NAV2: variants seen among roughly 807,000 people sequenced by gnomAD.
NAV2 encodes helicase, APC down-regulated 1.
Under a neutral mutation model 223.2 loss-of-function variants are expected in NAV2, and 54 were observed. The ratio of observed to expected loss-of-function variants is 0.24; its 90% CI spans 0.19 to 0.30. NAV2 has a LOEUF of 0.30. NAV2 is among the 10% of genes least tolerant of loss of function. The pLI is 1.00. For missense variants in NAV2, 2,806 were observed against 3,147.5 expected, an observed-to-expected ratio of 0.89 and a Z score of 2.60; for synonymous variants, 1,279 against 1,239.3, an observed-to-expected ratio of 1.03 and a Z score of -0.67.
At position 20,062,325 on chromosome 11, in the gene NAV2, C is replaced by G. The variant is rs750879622; in HGVS notation, c.4850C>G (p.Ser1617Cys). The change falls in exon 20 of 38, where the codon TCC becomes TGC. Residue 1617 changes from serine (S) to cysteine (C), a missense_variant. Physicochemically the swap from Ser to Cys is moderately radical, Grantham distance 112. This residue lies in a region of NAV2 where 824 missense variants were observed against 1,069.4 expected (regional missense o/e 0.77). Coordinates refer to ENST00000349880, the MANE Select transcript of NAV2 (RefSeq NM_145117.5). ...GFEEVHGSSL[S>C]LVSSTSSVYS... Reference sequence around the variant, plus strand: ...TTAATAGTTCATGGATCCTCACTCTCCTTGGTTTCCAGCACATCGTCAGTT... The same window carrying G: ...TTAATAGTTCATGGATCCTCACTCTGCTTGGTTTCCAGCACATCGTCAGTT... 2 of 1,611,672 alleles carry G rather than the reference C, an allele frequency of 1.2e-6. No homozygotes were observed.
At chr11:19,364,503 C>T (rs1854148256) in intron 1 of NAV2, among the ~76,000 whole-genome samples, 1 of 152,190 alleles carries the variant, frequency 6.6e-6, no homozygotes, top group East Asian at 1.9e-4. Flanking sequence ...GTGTCACCCC[C>T]TCTGTCTCTG....
At chr11:19,959,755 A>G (rs1349257627) in intron 10 of NAV2, among the ~76,000 whole-genome samples, 1 of 152,190 alleles carries the variant, frequency 6.6e-6, no homozygotes, top group Admixed American at 6.5e-5. Flanking sequence ...ACATAAGACC[A>G]TAACTGATGT....
intron 10 of NAV2, among the ~76,000 whole-genome samples, chr11:19,983,235 C>G (rs977851293): frequency 1.3e-5 from 2 of 152,104 alleles, no homozygotes; most frequent in African/African-American, 4.8e-5. Flanking sequence ...ACTGAGCTAC[C>G]TCCTACTAGT....
chr11:19,436,249 A>G (rs1851211817), intron 1 of NAV2, among the ~76,000 whole-genome samples: 1 of 152,092 alleles, frequency 6.6e-6, no homozygotes, highest in South Asian at 2.1e-4. Context: ...CTTGATTCTT[A>G]TATATGGCAT....
intron 1 of NAV2, among the ~76,000 whole-genome samples, chr11:19,529,440 G>A (rs925640366): frequency 2.0e-5 from 3 of 152,136 alleles, no homozygotes; most frequent in Admixed American, 6.5e-5. Context: ...CCTCTGGGAG[G>A]CCCCCCAATA....
intron 19 of NAV2, among the ~76,000 whole-genome samples, chr11:20,057,930 T>C (rs1259067872): frequency 6.6e-6 from 1 of 152,230 alleles, no homozygotes; most frequent in African/African-American, 2.4e-5. Flanking sequence ...TAATGATTCA[T>C]GGTGACATGG....
intron 8 of NAV2, among the ~76,000 whole-genome samples, chr11:19,941,251 A>G (rs1190113147): frequency 1.3e-5 from 2 of 152,170 alleles, no homozygotes; most frequent in African/African-American, 4.8e-5. Context: ...AGAGCTCAGA[A>G]ACCCTGAAAT....
rs78510533 is a variant in NAV2, at chr11:20,109,251, T to C, written c.6960+1469T>C. Among the ~76,000 whole-genome samples the C allele has an allele frequency of 7.8e-3, 1,183 of 152,318 alleles. 92 individuals carry two copies. In the East Asian group the frequency reaches 0.17, roughly 22 times the overall value. ...ATTTCACTAAACTGGAGCATACGCATTGCAAATTCAAGTCAGCATATTTAA... is the reference window on the plus strand; with the variant it reads ...ATTTCACTAAACTGGAGCATACGCACTGCAAATTCAAGTCAGCATATTTAA... On this transcript the variant is annotated intron_variant, in intron 36 of 37. Transcript: ENST00000349880.
chr11:19,877,817 G>A (rs1233449024), intron 4 of NAV2, among the ~76,000 whole-genome samples: 1 of 152,052 alleles, frequency 6.6e-6, no homozygotes, highest in Non-Finnish European at 1.5e-5. Context: ...GCCCAGTTGG[G>A]TGACTATAGA....
chr11:19,508,296 A>T (rs1174188228), intron 1 of NAV2, among the ~76,000 whole-genome samples: 1 of 152,108 alleles, frequency 6.6e-6, no homozygotes, highest in East Asian at 1.9e-4. Flanking sequence ...AGGCTGACTC[A>T]TTGACTATCC....
chr11:19,740,525 C>T (rs1049898471), intron 1 of NAV2, among the ~76,000 whole-genome samples: 2 of 151,962 alleles, frequency 1.3e-5, no homozygotes, highest in Non-Finnish European at 2.9e-5. Flanking sequence ...CTGCCACATC[C>T]CCCTCTCTGA....
chr11:19,956,198 C>T (rs1430733423), intron 10 of NAV2, among the ~76,000 whole-genome samples: 28 of 152,152 alleles, frequency 1.8e-4, no homozygotes, highest in Admixed American at 1.8e-3. Flanking sequence ...CTCTTCCCAA[C>T]ACTCAGACAC....
chr11:19,808,082 C>T (rs759912506), intron 1 of NAV2, among the ~76,000 whole-genome samples: 3 of 152,202 alleles, frequency 2.0e-5, no homozygotes, highest in Non-Finnish European at 4.4e-5. Flanking sequence ...CTCTTAAAAA[C>T]AGGACTAGTC....
intron 1 of NAV2, among the ~76,000 whole-genome samples, chr11:19,619,928 A>G (rs540520795): frequency 1.3e-5 from 2 of 152,110 alleles, no homozygotes; most frequent in East Asian, 3.9e-4. Flanking sequence ...ATCTTAAATT[A>G]ATTTTTGTAT....
At chr11:19,836,269 C>T (rs147826361) in intron 2 of NAV2, among the ~76,000 whole-genome samples, 5 of 152,270 alleles carry the variant, frequency 3.3e-5, no homozygotes, top group East Asian at 3.9e-4. Flanking sequence ...TTAAAAGCTC[C>T]GATCTGGGCC....
intron 11 of NAV2, among the ~76,000 whole-genome samples, chr11:20,032,393 T>G (rs1275450401): frequency 6.6e-6 from 1 of 152,150 alleles, no homozygotes; most frequent in Non-Finnish European, 1.5e-5. Flanking sequence ...CACATGCCCC[T>G]CCGGAATATT....
chr11:19,466,276 C>A (rs1374372635), intron 1 of NAV2, among the ~76,000 whole-genome samples: 2 of 152,138 alleles, frequency 1.3e-5, no homozygotes, highest in African/African-American at 4.8e-5. Context: ...GACCTCGATG[C>A]GGAAAATCCA....
intron 5 of NAV2, among the ~76,000 whole-genome samples, chr11:19,881,559 C>G (rs1350521383): frequency 6.6e-6 from 1 of 152,064 alleles, no homozygotes; most frequent in Non-Finnish European, 1.5e-5. Context: ...CTATATGGCT[C>G]TCATTGTAGG....
At chr11:19,853,507 T>G (rs531778020) in intron 3 of NAV2, among the ~76,000 whole-genome samples, 28 of 152,312 alleles carry the variant, frequency 1.8e-4, no homozygotes, top group Admixed American at 1.2e-3. Flanking sequence ...GATCTTTTTT[T>G]TGTGTGACTT....
Sources: allele counts gnomAD v4.1 joint callset (sites outside exome capture counted in the v4.1 genomes callset), GRCh38; gene constraint gnomAD v4.1.1; regional missense constraint gnomAD v4.1.1; transcripts MANE v1.5; gene names NCBI Gene and HGNC (gene_info 2026-07-23, HGNC 2026-07-21).